OPCML: variants seen among roughly 807,000 people sequenced by gnomAD.
The protein encoded by OPCML is opioid-binding protein/cell adhesion molecule.
In OPCML, 13 loss-of-function variants were observed where a neutral mutation model predicts 37.8. The ratio of observed to expected loss-of-function variants is 0.34; its 90% confidence interval spans 0.22 to 0.55. OPCML has a LOEUF of 0.55. Among genes scored for constraint, OPCML ranks in the 20% least tolerant of loss-of-function variants. The probability of loss-of-function intolerance (pLI) is 0.91; values close to 1 mark genes in which losing one functional copy is unlikely to be tolerated. For missense variants in OPCML, 341 were observed against 435.6 expected (o/e 0.78, Z 1.93); for synonymous variants, 176 against 168.8 (o/e 1.04, Z -0.33).
intron 2 of OPCML, among the ~76,000 whole-genome samples, chr11:132,853,358 A>G (rs930091541): frequency 1.1e-4 from 16 of 152,294 alleles, no homozygotes; most frequent in African/African-American, 3.4e-4. Context: ...GAGGATCTGC[A>G]TAACTCTGTA....
chr11:133,253,502 G>T (rs561265208), intron 1 of OPCML, among the ~76,000 whole-genome samples: 50 of 152,176 alleles, frequency 3.3e-4, no homozygotes, highest in African/African-American at 1.2e-3. Flanking sequence ...TAGAGACAGG[G>T]TTTCACCATG....
At chr11:132,871,945 T>C (rs1942811370) in intron 2 of OPCML, among the ~76,000 whole-genome samples, 1 of 152,226 alleles carries the variant, frequency 6.6e-6, no homozygotes, top group African/African-American at 2.4e-5. Context: ...TGACTTTTCC[T>C]GGTTTTTGAA....
chr11:132,931,388 A>G (rs1945195519), intron 2 of OPCML, among the ~76,000 whole-genome samples: 1 of 152,188 alleles, frequency 6.6e-6, no homozygotes, highest in Non-Finnish European at 1.5e-5. Context: ...AAGGCAATCC[A>G]CAGAATGGGA....
intron 1 of OPCML, among the ~76,000 whole-genome samples, chr11:133,379,676 A>G (rs970872817): frequency 6.6e-6 from 1 of 152,176 alleles, no homozygotes; most frequent in East Asian, 1.9e-4. Context: ...TAAGTTCAGT[A>G]TTTTGCAAGC....
intron 1 of OPCML, among the ~76,000 whole-genome samples, chr11:133,438,278 G>C (rs1946287576): frequency 6.6e-6 from 1 of 152,040 alleles, no homozygotes; most frequent in Non-Finnish European, 1.5e-5. Context: ...AAAAATATAA[G>C]TGTAACCACT....
chr11:133,280,343 A>G (rs1942110612), intron 1 of OPCML, among the ~76,000 whole-genome samples: 1 of 152,214 alleles, frequency 6.6e-6, no homozygotes, highest in Non-Finnish European at 1.5e-5. Flanking sequence ...TTGCAGTAGG[A>G]AAAAATGTTG....
intron 3 of OPCML, among the ~76,000 whole-genome samples, chr11:132,530,663 C>A (rs895369307): frequency 2.0e-5 from 3 of 151,446 alleles, no homozygotes; most frequent in Non-Finnish European, 4.4e-5. Flanking sequence ...TCTAACACAG[C>A]ACATGGCACA....
intron 1 of OPCML, among the ~76,000 whole-genome samples, chr11:133,282,198 G>T (rs557524098): frequency 6.6e-6 from 1 of 152,110 alleles, no homozygotes; most frequent in Admixed American, 6.6e-5. Context: ...TCTTTGGAAC[G>T]GCCCTTCCCA....
Position 133,195,373 on chromosome 11 carries a change from G to A in OPCML, c.62-252363C>T, listed in dbSNP as rs562207784. 7.2e-5 allele frequency among the ~76,000 whole-genome samples: 11 copies of A among 152,274 alleles called. No individual in the cohort carries two copies. In the East Asian group the frequency reaches 1.4e-3, roughly 19 times the overall value. On this transcript the variant is annotated intron_variant, in intron 1 of 7. Coordinates refer to ENST00000524381, the MANE Select transcript of OPCML (RefSeq NM_001012393.5). ...CATTGCTTAAGTAAAAACAGCACCC[G>A]TGAGAAAAGATGCTGGAATCCTGCA...
At chr11:132,699,350 T>C (rs1409586128) in intron 2 of OPCML, among the ~76,000 whole-genome samples, 1 of 152,116 alleles carries the variant, frequency 6.6e-6, no homozygotes, top group African/African-American at 2.4e-5. Context: ...ATTTCTTTTC[T>C]TGTCTAATTG....
intron 1 of OPCML, among the ~76,000 whole-genome samples, chr11:133,011,046 G>A (rs894560825): frequency 6.6e-6 from 1 of 152,218 alleles, no homozygotes; most frequent in Non-Finnish European, 1.5e-5. Flanking sequence ...GTTGCAAGTT[G>A]TATTCACAGC....
intron 1 of OPCML, among the ~76,000 whole-genome samples, chr11:133,439,707 T>C (rs1270700026): frequency 1.3e-5 from 2 of 152,006 alleles, no homozygotes; most frequent in East Asian, 1.9e-4. Context: ...GACTTCGTGA[T>C]CCACCCGCCT....
chr11:132,604,289 A>G (rs1938127041), intron 3 of OPCML, among the ~76,000 whole-genome samples: 1 of 151,740 alleles, frequency 6.6e-6, no homozygotes, highest in African/African-American at 2.4e-5. Context: ...CGTAAAAAAA[A>G]AAATACAGGG....
chr11:132,643,078 G>A (rs1227481546), intron 3 of OPCML, among the ~76,000 whole-genome samples: 1 of 151,954 alleles, frequency 6.6e-6, no homozygotes, highest in Non-Finnish European at 1.5e-5. Flanking sequence ...GCCCCACGTG[G>A]GAATATTTTA....
chr11:132,479,035 A>C (rs531988303), intron 4 of OPCML, among the ~76,000 whole-genome samples: 1 of 152,330 alleles, frequency 6.6e-6, no homozygotes, highest in African/African-American at 2.4e-5. Context: ...AGAGGAGCCA[A>C]GATGGCCGAA....
At chr11:133,093,945 G>T (rs981692682) in intron 1 of OPCML, among the ~76,000 whole-genome samples, 7 of 152,040 alleles carry the variant, frequency 4.6e-5, no homozygotes, top group Non-Finnish European at 1.0e-4. Flanking sequence ...TCAAAGTCAC[G>T]AATGTAAGTG....
chr11:133,531,129 A>G (rs1423657707), intron 1 of OPCML, among the ~76,000 whole-genome samples: 1 of 152,228 alleles, frequency 6.6e-6, no homozygotes, highest in African/African-American at 2.4e-5. Context: ...GTTTGGTATG[A>G]AAACCGACAC....
intron 1 of OPCML, among the ~76,000 whole-genome samples, chr11:133,122,791 T>C (rs1052494009): frequency 6.6e-6 from 1 of 152,194 alleles, no homozygotes; most frequent in African/African-American, 2.4e-5. Context: ...ATACCTGCTG[T>C]CCCAGGTAAA....
rs1206205446 is a variant in OPCML, at chr11:132,418,989, T to C, written c.*1204A>G. 1 of 152,688 alleles carries C rather than the reference T, an allele frequency of 6.5e-6. No homozygotes were observed. Among genetic ancestry groups the C allele is most frequent in the Non-Finnish European group, 1.5e-5 (1 of 68,042 alleles). 9.5% of individuals were successfully genotyped at this position (152,688 alleles called of 1,614,324 possible). On this transcript the variant is annotated 3_prime_UTR_variant, in exon 8 of 8. Coordinates refer to ENST00000524381, the MANE Select transcript of OPCML (RefSeq NM_001012393.5). ...TCTGGGAATAGTGAGTGACTGATCA[T>C]TAGCTTGCTACTTTGGCCTATCTGT...
Sources: gnomAD v4.1 joint callset for allele counts (sites outside exome capture counted in the v4.1 genomes callset) on GRCh38, gnomAD v4.1.1 for gene constraint, MANE v1.5 for transcripts, NCBI Gene and HGNC (gene_info 2026-07-23, HGNC 2026-07-21) for gene names.